GARIN6: variants seen among roughly 807,000 people sequenced by gnomAD.
GARIN6 encodes Golgi-associated RAB2 interactor protein 6.
chr12:99,649,390 G>T, the GARIN6 span: 5 of 1,613,032 alleles, frequency 3.1e-6, no homozygotes, highest in Non-Finnish European at 4.2e-6. Flanking sequence ...TTATACAATA[G>T]AGATATGAAT....
At chr12:99,649,703 C>T in the GARIN6 span, 2 of 274,084 alleles carry the variant, frequency 7.3e-6, no homozygotes, top group East Asian at 1.7e-4. Flanking sequence ...TAAAAGGGTA[C>T]TTCAAGCATA....
At chr12:99,648,067 G>A in the GARIN6 span, 7 of 1,463,996 alleles carry the variant, frequency 4.8e-6, no homozygotes, top group South Asian at 2.8e-5. Context: ...TGCAGAACAC[G>A]ACTGCTGGCC....
chr12:99,649,475 G>A, the GARIN6 span: 1 of 1,171,888 alleles, frequency 8.5e-7, no homozygotes, highest in Admixed American at 1.7e-5. Flanking sequence ...AGTGCCTGAT[G>A]AAGGGGCAGG....
At chr12:99,649,525 G>A in the GARIN6 span, 2 of 703,858 alleles carry the variant, frequency 2.8e-6, no homozygotes, top group Admixed American at 5.1e-5. Flanking sequence ...CACCACCACA[G>A]GTACCATGGA....
chr12:99,649,385 C>A, the GARIN6 span: 3 of 1,613,372 alleles, frequency 1.9e-6, no homozygotes, highest in South Asian at 1.1e-5. Context: ...TGTGATTATA[C>A]AATAGAGATA....
At chr12:99,649,186 G>T in the GARIN6 span, 2 of 912,416 alleles carry the variant, frequency 2.2e-6, no homozygotes, top group Non-Finnish European at 3.6e-6. Flanking sequence ...AACACAACAT[G>T]TTTGTGTACT....
the GARIN6 span, chr12:99,647,834 G>C: frequency 7.0e-6 from 2 of 284,178 alleles, no homozygotes; most frequent in Non-Finnish European, 1.3e-5. Context: ...AGGCTGTTGT[G>C]AAGTGGAATA....
the GARIN6 span, chr12:99,648,352 A>T: frequency 6.2e-7 from 1 of 1,614,180 alleles, no homozygotes; most frequent in Non-Finnish European, 8.5e-7. Flanking sequence ...AGGAGAAGTG[A>T]TTGACGTGCA....
At chr12:99,648,847 G>A in the GARIN6 span, 1 of 1,533,624 alleles carries the variant, frequency 6.5e-7, no homozygotes, top group Non-Finnish European at 8.8e-7. Context: ...GCAGGTACAG[G>A]TCCTGTAAAG....
At chr12:99,648,094 C>A in the GARIN6 span, 1 of 1,530,026 alleles carries the variant, frequency 6.5e-7, no homozygotes, top group East Asian at 2.3e-5. Context: ...CCAGAGTAGC[C>A]AAGGAAACAG....
the GARIN6 span, chr12:99,648,269 T>C: frequency 6.2e-7 from 1 of 1,614,092 alleles, no homozygotes; most frequent in East Asian, 2.2e-5. Flanking sequence ...CAGCGGCAAC[T>C]GTACAAAGGC....
At chr12:99,648,583 C>G in the GARIN6 span, 1 of 1,614,174 alleles carries the variant, frequency 6.2e-7, no homozygotes. Flanking sequence ...CGTAAAAAAA[C>G]AGCTCCACCT....
At chr12:99,649,324 T>A in the GARIN6 span, 1 of 1,614,156 alleles carries the variant, frequency 6.2e-7, no homozygotes, top group Non-Finnish European at 8.5e-7. Flanking sequence ...GAAGGAGCAA[T>A]TCAGAATCAG....
At chr12:99,648,188 G>A in the GARIN6 span, 1 of 1,613,542 alleles carries the variant, frequency 6.2e-7, no homozygotes, top group African/African-American at 1.3e-5. Context: ...GAGGACTGCT[G>A]TATGCTACCG....
chr12:99,649,074 G>A, the GARIN6 span, among the ~76,000 whole-genome samples: 1,521 of 152,264 alleles, frequency 1.0e-2, 10 homozygotes, highest in Middle Eastern at 0.027. Flanking sequence ...GCTGTCCAAA[G>A]CATCCTGACC....
the GARIN6 span, chr12:99,648,585 G>C: frequency 6.2e-7 from 1 of 1,614,174 alleles, no homozygotes; most frequent in Non-Finnish European, 8.5e-7. Context: ...TAAAAAAACA[G>C]CTCCACCTGA....
the GARIN6 span, chr12:99,649,532 T>C: frequency 9.0e-6 from 6 of 663,204 alleles, no homozygotes; most frequent in African/African-American, 5.4e-5. Flanking sequence ...ACAGGTACCA[T>C]GGATGTGGCT....
the GARIN6 span, chr12:99,648,704 T>C: frequency 7.7e-4 from 1,245 of 1,614,094 alleles, 6 homozygotes; most frequent in Middle Eastern, 8.6e-3. Context: ...AGACCACCAG[T>C]GGAGGCTTAC....
the GARIN6 span, chr12:99,649,639 G>T: frequency 6.7e-6 from 3 of 447,708 alleles, no homozygotes; most frequent in Non-Finnish European, 1.2e-5. Context: ...CTATTAGTGG[G>T]TGCTTCCATG....
Sources: allele counts gnomAD v4.1 joint callset (sites outside exome capture counted in the v4.1 genomes callset), GRCh38; gene constraint gnomAD v4.1.1; transcripts MANE v1.5; gene names NCBI Gene and HGNC (gene_info 2026-07-23, HGNC 2026-07-21).